Variants in REDIC1 observed in about 807,000 individuals in gnomAD.
REDIC1 encodes the protein HEI10 Interacting Protein 1.
At chr12:39,864,613 C>G in the REDIC1 span, 3 of 1,085,226 alleles carry the variant, frequency 2.8e-6, no homozygotes, top group Non-Finnish European at 2.6e-6. Flanking sequence ...AGGGGCCCCT[C>G]TCTACCACCT....
the REDIC1 span, among the ~76,000 whole-genome samples, chr12:39,896,525 T>C: frequency 3.4e-5 from 5 of 147,868 alleles, no homozygotes; most frequent in Admixed American, 1.4e-4. Flanking sequence ...TGTATACATG[T>C]ATACATGTAT....
the REDIC1 span, among the ~76,000 whole-genome samples, chr12:39,653,537 TTTTTC>T: frequency 0.013 from 728 of 55,306 alleles, 27 homozygotes; most frequent in Middle Eastern, 0.028. Flanking sequence ...CTTCTTCTTC[TTTTTC>T]TTCTTCTTCT....
the REDIC1 span, chr12:39,684,169 T>C: frequency 3.9e-6 from 4 of 1,029,574 alleles, no homozygotes; most frequent in Non-Finnish European, 3.5e-6. Context: ...CACTCATCCA[T>C]TATGTGTTGA....
At chr12:39,889,239 T>C in the REDIC1 span, among the ~76,000 whole-genome samples, 27 of 152,216 alleles carry the variant, frequency 1.8e-4, no homozygotes, top group East Asian at 4.2e-3. Flanking sequence ...TCACCATCAG[T>C]TAAAACCCCA....
At chr12:39,829,826 A>G in the REDIC1 span, 3 of 391,242 alleles carry the variant, frequency 7.7e-6, no homozygotes, top group Non-Finnish European at 1.4e-5. Context: ...CCTTGGCAGT[A>G]TTTGTGAATA....
chr12:39,787,355 T>G, the REDIC1 span, among the ~76,000 whole-genome samples: 6 of 152,212 alleles, frequency 3.9e-5, no homozygotes, highest in African/African-American at 1.4e-4. Flanking sequence ...TAAAAATGCA[T>G]GCATTCTGCC....
the REDIC1 span, among the ~76,000 whole-genome samples, chr12:39,771,637 G>T: frequency 6.6e-6 from 1 of 152,104 alleles, no homozygotes; most frequent in Middle Eastern, 3.2e-3. Context: ...CTGACCCACA[G>T]GAAGTGCTAT....
At chr12:39,839,769 CCT>C in the REDIC1 span, among the ~76,000 whole-genome samples, 12 of 152,146 alleles carry the variant, frequency 7.9e-5, no homozygotes, top group East Asian at 1.7e-3. Context: ...GCCCCCATGA[CCT>C]CTTTCTTTCC....
chr12:39,713,260 G>A, the REDIC1 span, among the ~76,000 whole-genome samples: 13 of 67,318 alleles, frequency 1.9e-4, 1 homozygote, highest in South Asian at 4.1e-4. Context: ...ACACATACGT[G>A]TATATATGTG....
chr12:39,771,716 C>T, the REDIC1 span, among the ~76,000 whole-genome samples: 1 of 152,184 alleles, frequency 6.6e-6, no homozygotes, highest in East Asian at 1.9e-4. Context: ...TCATTCCTTT[C>T]TTCAAACTCA....
the REDIC1 span, among the ~76,000 whole-genome samples, chr12:39,682,430 G>A: frequency 6.6e-6 from 1 of 151,880 alleles, no homozygotes; most frequent in Non-Finnish European, 1.5e-5. Flanking sequence ...GTCATTAGAA[G>A]ACCACATTAG....
the REDIC1 span, among the ~76,000 whole-genome samples, chr12:39,669,463 A>C: frequency 6.6e-6 from 1 of 152,130 alleles, no homozygotes; most frequent in Non-Finnish European, 1.5e-5. Flanking sequence ...GTCTGCCCCT[A>C]CTGGGGGGTG....
chr12:39,883,957 T>C, the REDIC1 span, among the ~76,000 whole-genome samples: 1 of 152,128 alleles, frequency 6.6e-6, no homozygotes, highest in Admixed American at 6.6e-5. Flanking sequence ...AGACAGACTA[T>C]CTCCTGGTGG....
chr12:39,804,806 T>C, the REDIC1 span, among the ~76,000 whole-genome samples: 456 of 152,238 alleles, frequency 3.0e-3, 1 homozygote, highest in African/African-American at 0.01. Flanking sequence ...ATTTACATGT[T>C]AAATATAGAT....
the REDIC1 span, among the ~76,000 whole-genome samples, chr12:39,753,788 T>C: frequency 2.0e-5 from 3 of 152,182 alleles, no homozygotes; most frequent in Non-Finnish European, 4.4e-5. Flanking sequence ...CCATGATTCA[T>C]TGATAACCTT....
the REDIC1 span, among the ~76,000 whole-genome samples, chr12:39,644,658 A>G: frequency 6.6e-6 from 1 of 151,850 alleles, no homozygotes; most frequent in Non-Finnish European, 1.5e-5. Flanking sequence ...AAATTTAGTT[A>G]TACTTTAGAA....
the REDIC1 span, among the ~76,000 whole-genome samples, chr12:39,896,905 A>C: frequency 1.3e-5 from 2 of 152,146 alleles, no homozygotes; most frequent in Non-Finnish European, 2.9e-5. Context: ...TTTCCCATTT[A>C]GTGGAATTTG....
chr12:39,770,102 C>T, the REDIC1 span, among the ~76,000 whole-genome samples: 3 of 152,012 alleles, frequency 2.0e-5, no homozygotes, highest in Non-Finnish European at 2.9e-5. Context: ...TTTTAAATTG[C>T]CTCTTCCTCT....
the REDIC1 span, among the ~76,000 whole-genome samples, chr12:39,726,142 C>T: frequency 1.3e-5 from 2 of 151,822 alleles, no homozygotes; most frequent in African/African-American, 4.8e-5. Flanking sequence ...TCCTCCTCCT[C>T]CTCTTCCTCC....
Sources: gnomAD v4.1 joint callset for allele counts (sites outside exome capture counted in the v4.1 genomes callset) on GRCh38, gnomAD v4.1.1 for gene constraint, MANE v1.5 for transcripts, NCBI Gene and HGNC (gene_info 2026-07-23, HGNC 2026-07-21) for gene names.